Variants in CREM observed in about 807,000 individuals in gnomAD.
CREM encodes the protein cAMP-responsive element modulator.
CREM carries 13 observed loss-of-function variants against 37.3 expected under a neutral mutation model. The observed-to-expected ratio is 0.35, with a 90% CI of 0.23 to 0.55. The LOEUF (loss-of-function observed/expected upper bound fraction) is 0.55, where lower values mean the gene tolerates loss of function less well. CREM is among the 20% of genes least tolerant of loss of function. CREM has a pLI of 0.88. For missense variants in CREM, 296 were observed against 362.3 expected (o/e 0.82, Z 1.49); for synonymous variants, 124 against 120.2 (o/e 1.03, Z -0.21).
intron 6 of CREM, among the ~76,000 whole-genome samples, chr10:35,190,914 A>C (rs1362745467): frequency 6.6e-6 from 1 of 152,018 alleles, no homozygotes; most frequent in Non-Finnish European, 1.5e-5. Context: ...CGCCCACCTC[A>C]GCCTCCCGAA....
intron 1 of CREM, among the ~76,000 whole-genome samples, chr10:35,127,799 T>G (rs564559123): frequency 6.6e-6 from 1 of 152,190 alleles, no homozygotes; most frequent in African/African-American, 2.4e-5. Flanking sequence ...TAGGGCCATC[T>G]GGTAAGGTTT....
At chr10:35,149,757 C>T (rs1003881039) in intron 3 of CREM, among the ~76,000 whole-genome samples, 1 of 151,972 alleles carries the variant, frequency 6.6e-6, no homozygotes, top group African/African-American at 2.4e-5. Context: ...CTTTTCTTTC[C>T]TCTTTAAAGC....
intron 3 of CREM, among the ~76,000 whole-genome samples, chr10:35,168,565 C>T (rs753442349): frequency 3.5e-4 from 54 of 152,148 alleles, no homozygotes; most frequent in Non-Finnish European, 3.4e-4. Flanking sequence ...TCACTTTGAT[C>T]GTAGTTTCTT....
intron 5 of CREM, among the ~76,000 whole-genome samples, chr10:35,187,170 TTA>T (rs1159046831): frequency 3.6e-3 from 152 of 42,154 alleles, no homozygotes; most frequent in Non-Finnish European, 6.0e-3. Flanking sequence ...ATATTATATA[TTA>T]ATATTAATAT....
rs549145509 is a variant in CREM at position 35,210,919 on chromosome 10, A to G, written c.756-335A>G. ...GACAAAAATAATTAAGAGAATTGAA[A>G]GGATCTATAAATGTGTTTGTAGAAA... On this transcript the variant is annotated intron_variant, in intron 7 of 7. Coordinates refer to ENST00000685392, the MANE Select transcript of CREM (RefSeq NM_183011.2). Among the ~76,000 whole-genome samples, 112 of 152,366 alleles carry G rather than the reference A, an allele frequency of 7.4e-4. 1 individual carries two copies. The highest frequency in any genetic ancestry group is 2.5e-3 in the African/African-American group (104 of 41,594).
In CREM at chr10:35,140,220, T is replaced by C. The variant is rs141739504; in HGVS notation, c.44+2341T>C. Among the ~76,000 whole-genome samples the C allele has an allele frequency of 5.5e-4, 83 of 152,258 alleles. 1 individual carries two copies. In the East Asian group the frequency reaches 7.9e-3, roughly 14 times the overall value. Reference sequence around the variant, plus strand: ...CACCGTGCTAGGTACTCTGGCAGAATACAAATGGAATAAAATTACAGTCCA... The same window carrying C: ...CACCGTGCTAGGTACTCTGGCAGAACACAAATGGAATAAAATTACAGTCCA... On this transcript the variant is annotated intron_variant, in intron 2 of 7. Coordinates refer to ENST00000685392, the MANE Select transcript of CREM (RefSeq NM_183011.2).
At chr10:35,210,417 T>C (rs2095640426) in intron 7 of CREM, 1 of 152,262 alleles carries the variant, frequency 6.6e-6, no homozygotes, top group Non-Finnish European at 1.5e-5. Flanking sequence ...TCTGTTTGTG[T>C]TGTTGCTTTG....
At chr10:35,201,996 G>A (rs1474239935) in intron 6 of CREM, among the ~76,000 whole-genome samples, 1 of 152,158 alleles carries the variant, frequency 6.6e-6, no homozygotes, top group Non-Finnish European at 1.5e-5. Context: ...GTATGTGCTA[G>A]ATTCTAGGGG....
At chr10:35,137,981 T>TAC in intron 2 of CREM, 102 bp downstream of exon 2, 11 of 751,742 alleles carry the variant, frequency 1.5e-5, no homozygotes, top group Non-Finnish European at 2.2e-5. Flanking sequence ...TGTATGTATG[T>TAC]ATATATATTC....
chr10:35,160,759 T>C (rs1190315264), intron 3 of CREM, among the ~76,000 whole-genome samples: 1 of 152,270 alleles, frequency 6.6e-6, no homozygotes, highest in African/African-American at 2.4e-5. Context: ...TCTATGCTTA[T>C]GCTGTGTAAA....
At chr10:35,173,698 A>T (rs1288114812) in intron 3 of CREM, among the ~76,000 whole-genome samples, 2 of 152,222 alleles carry the variant, frequency 1.3e-5, no homozygotes, top group South Asian at 2.1e-4. Context: ...AATGTCATCC[A>T]TTGGCAGCTT....
chr10:35,165,178 T>C (rs116409704), intron 3 of CREM, among the ~76,000 whole-genome samples: 4,067 of 152,002 alleles, frequency 0.027, 180 homozygotes, highest in African/African-American at 0.09. Flanking sequence ...ATGGCACCAG[T>C]ATCTGCTTCT....
chr10:35,193,586 CTT>C lies in CREM; in HGVS notation c.598+5199_598+5200del, dbSNP rs532425865. 3.9e-5 allele frequency among the ~76,000 whole-genome samples: 6 copies of C among 152,256 alleles called. No individual in the cohort carries two copies. The South Asian group carries it at 1.2e-3, about 32-fold the overall frequency. On this transcript the variant is annotated intron_variant, in intron 6 of 7. Coordinates refer to ENST00000685392, the MANE Select transcript of CREM (RefSeq NM_183011.2). ...ATGTCTAGGTGACCATCCAGGGTTC[CTT>C]ACTCAGCCAAGATATCTTCAGCTGA...
chr10:35,188,251 G>A lies in CREM; in HGVS notation c.461G>A (p.Gly154Asp). ...TIQISNPGSD[G>D]VQGLQALTMT... ...CAGATTTCTAACCCAGGATCTGATG[G>A]TGTTCAGGGACTGCAGGCATTAACA... is the stretch of plus-strand genomic sequence containing the variant. The change falls in exon 6 of 8, where the codon GGT becomes GAT. Residue 154 changes from glycine (G) to aspartate (D), a missense_variant. Gly to Asp is a moderately conservative substitution (Grantham distance 94). Coordinates refer to ENST00000685392, the MANE Select transcript of CREM (RefSeq NM_183011.2). 1 of 1,614,126 alleles carries A rather than the reference G, an allele frequency of 6.2e-7. No individual in the cohort carries two copies. Among genetic ancestry groups the A allele is most frequent in the Non-Finnish European group, 8.5e-7 (1 of 1,180,020 alleles).
chr10:35,194,097 CAAAAA>C (rs371978117), intron 6 of CREM, among the ~76,000 whole-genome samples: 24 of 25,066 alleles, frequency 9.6e-4, no homozygotes, highest in South Asian at 3.0e-3. Flanking sequence ...GACTTCATCT[CAAAAA>C]AAAAAAAAAA....
chr10:35,189,504 G>GTTTA (rs576826559), intron 6 of CREM, among the ~76,000 whole-genome samples: 1,429 of 121,790 alleles, frequency 0.012, 23 homozygotes, highest in African/African-American at 0.034. Flanking sequence ...TTGTTTGTTT[G>GTTTA]TTTATTTATT....
chr10:35,162,275 G>T (rs2093336745), intron 3 of CREM, among the ~76,000 whole-genome samples: 1 of 152,176 alleles, frequency 6.6e-6, no homozygotes, highest in Non-Finnish European at 1.5e-5. Flanking sequence ...TGCTTAGGCA[G>T]AGGGAAGGAT....
chr10:35,183,689 G>C (rs977526154), intron 5 of CREM, among the ~76,000 whole-genome samples: 1 of 152,314 alleles, frequency 6.6e-6, no homozygotes, highest in Middle Eastern at 3.4e-3. Context: ...TGAATCTTTG[G>C]ATTGCAATTT....
intron 7 of CREM, among the ~76,000 whole-genome samples, chr10:35,208,014 T>G (rs2095576317): frequency 6.6e-6 from 1 of 152,236 alleles, no homozygotes. Flanking sequence ...CTATTTTGTA[T>G]TTAGTATTTG....
Sources: allele counts gnomAD v4.1 joint callset (sites outside exome capture counted in the v4.1 genomes callset), GRCh38; gene constraint gnomAD v4.1.1; transcripts MANE v1.5; gene names NCBI Gene and HGNC (gene_info 2026-07-23, HGNC 2026-07-21).